The following SLC41A1 variants were observed in gnomAD, a reference collection of about 807,000 sequenced individuals.
SLC41A1 encodes the protein solute carrier family 41 member 1.
Under a neutral mutation model 47.3 loss-of-function variants are expected in SLC41A1, and 20 were observed. The observed-to-expected ratio is 0.42, with a 90% CI of 0.30 to 0.61. The LOEUF is 0.61. Among genes scored for constraint, SLC41A1 ranks in the 20% least tolerant of loss-of-function variants. SLC41A1 has a pLI of 0.17. For synonymous variants in SLC41A1, 282 were observed against 272.7 expected (o/e 1.03, Z -0.34); for missense variants, 504 against 674.1 (o/e 0.75, Z 2.79).
Position 205,795,343 on chromosome 1 carries a change from C to G in SLC41A1, c.1207+1G>C. 1 of 1,614,198 alleles carries G rather than the reference C, an allele frequency of 6.2e-7. No homozygotes were observed. Among genetic ancestry groups the G allele is most frequent in the Non-Finnish European group, 8.5e-7 (1 of 1,180,032 alleles). Reference sequence around the variant, plus strand: ...CTGGGAGGCTGGGAATCTGCCGTTACCAGGGCTGAAGAAGGTGGTACAAGG... The same window carrying G: ...CTGGGAGGCTGGGAATCTGCCGTTAGCAGGGCTGAAGAAGGTGGTACAAGG... On this transcript the variant is annotated splice_donor_variant, in intron 9 of 10. Coordinates refer to ENST00000367137, the MANE Select transcript of SLC41A1 (RefSeq NM_173854.6). LOFTEE classifies it high-confidence loss of function.
rs138614936 is a variant in SLC41A1 at position 205,809,488 on chromosome 1, A to G, written c.372+582T>C. ...TCTTGTTACACCAAATCTCCAAATC[A>G]TGCATCAGACAGCAAGTGCCCACCC... On this transcript the variant is annotated intron_variant, in intron 2 of 10. Transcript: ENST00000367137. 2.5e-3 allele frequency among the ~76,000 whole-genome samples: 387 copies of G among 152,354 alleles called. 2 individuals carry two copies. Among genetic ancestry groups the G allele is most frequent in the Middle Eastern group, 0.017 (5 of 294 alleles).
intron 2 of SLC41A1, among the ~76,000 whole-genome samples, chr1:205,808,162 G>A (rs377329628): frequency 4.4e-4 from 67 of 152,122 alleles, no homozygotes; most frequent in African/African-American, 1.6e-3. Context: ...CACTGTGTTG[G>A]CCAGACTGGT....
At position 205,800,028 on chromosome 1, in the gene SLC41A1, C is replaced by A. The variant is rs189624357; in HGVS notation, c.481-198G>T. The stretch of plus-strand genomic sequence containing the variant: ...AGGAGCTAAAGCTGGGCTCCTGCAG[C>A]TGGGTGGGGGGTTGGAAGGGGGTCC... On this transcript the variant is annotated intron_variant, in intron 3 of 10. Coordinates refer to ENST00000367137, the MANE Select transcript of SLC41A1 (RefSeq NM_173854.6). Among the ~76,000 whole-genome samples the A allele has an allele frequency of 1.6e-3, 246 of 152,294 alleles. 2 individuals carry two copies. The highest frequency in any genetic ancestry group is 5.7e-3 in the African/African-American group (236 of 41,564).
rs568605741 is a variant in SLC41A1, at chr1:205,802,252, A to G, written c.373-1192T>C. Among the ~76,000 whole-genome samples, 8 of 152,288 alleles carry G rather than the reference A, an allele frequency of 5.3e-5. No individual in the cohort carries two copies. In the East Asian group the frequency reaches 7.7e-4, roughly 15 times the overall value. ...GGACCAAGAGCCTTGGGTCTCCTACAGGAGACAGCAGGGATGGCCCCCTGC... is the reference window on the plus strand; with the variant it reads ...GGACCAAGAGCCTTGGGTCTCCTACGGGAGACAGCAGGGATGGCCCCCTGC... On this transcript the variant is annotated intron_variant, in intron 2 of 10. Transcript: ENST00000367137.
intron 2 of SLC41A1, among the ~76,000 whole-genome samples, chr1:205,802,541 A>G (rs552682818): frequency 5.9e-5 from 9 of 151,520 alleles, no homozygotes; most frequent in African/African-American, 2.2e-4. Context: ...ACATGGAGAA[A>G]CCCCGTCTCT....
intron 10 of SLC41A1, among the ~76,000 whole-genome samples, chr1:205,792,514 C>T (rs866807453): frequency 3.3e-5 from 5 of 152,308 alleles, no homozygotes; most frequent in South Asian, 2.1e-4. Context: ...ATCAGAATCT[C>T]GCTAGTGGGC....
intron 10 of SLC41A1, among the ~76,000 whole-genome samples, chr1:205,793,900 G>C (rs1446974903): frequency 6.6e-6 from 1 of 152,206 alleles, no homozygotes; most frequent in Non-Finnish European, 1.5e-5. Flanking sequence ...TGGCTGTGAA[G>C]AAGAGGACAG....
intron 2 of SLC41A1, among the ~76,000 whole-genome samples, chr1:205,803,632 C>CTTT (rs140199204): frequency 3.3e-5 from 4 of 121,026 alleles, no homozygotes; most frequent in Non-Finnish European, 3.7e-5. Flanking sequence ...TAGTCAAATT[C>CTTT]TTTTTTTTTT....
chr1:205,811,815 C>T (rs1656162984), intron 1 of SLC41A1, among the ~76,000 whole-genome samples: 1 of 152,194 alleles, frequency 6.6e-6, no homozygotes, highest in South Asian at 2.1e-4. Context: ...CCCCGTCTCC[C>T]CCTGCTCTTG....
chr1:205,812,426 C>T (rs935065341), intron 1 of SLC41A1, among the ~76,000 whole-genome samples: 1 of 152,182 alleles, frequency 6.6e-6, no homozygotes, highest in Non-Finnish European at 1.5e-5. Context: ...GAGTCCAGTG[C>T]CCCTATGCCA....
chr1:205,801,050 ACT>A lies in SLC41A1; in HGVS notation c.381_382del (p.Glu127AspfsTer79). 1 of 1,614,044 alleles carries A rather than the reference ACT, an allele frequency of 6.2e-7. No homozygotes were observed. Among genetic ancestry groups the A allele is most frequent in the Non-Finnish European group, 8.5e-7 (1 of 1,179,926 alleles). ...GAAGACCTCTGTCACCTTCTGGAAG[ACT>A]TCCCAGTGCTACGAGGTGAAAACAG... On this transcript the variant is annotated frameshift_variant, in exon 3 of 11. Transcript: ENST00000367137. LOFTEE classifies it high-confidence loss of function.
chr1:205,797,764 T>C, intron 7 of SLC41A1, 140 bp downstream of exon 7: 1 of 1,174,494 alleles, frequency 8.5e-7, no homozygotes, highest in East Asian at 2.4e-5. Context: ...TCTGTCATTT[T>C]CAACAGAAGG....
intron 2 of SLC41A1, among the ~76,000 whole-genome samples, chr1:205,806,018 A>T (rs1429507930): frequency 6.6e-6 from 1 of 152,222 alleles, no homozygotes; most frequent in African/African-American, 2.4e-5. Context: ...CTGTGGGAGA[A>T]GCTGGGCTGG....
At chr1:205,792,011 TC>T (rs1216628798) in intron 10 of SLC41A1, among the ~76,000 whole-genome samples, 2 of 152,202 alleles carry the variant, frequency 1.3e-5, no homozygotes, top group African/African-American at 4.8e-5. Context: ...ACAAGGAGCT[TC>T]CTGACCTAAA....
chr1:205,794,849 C>G, intron 10 of SLC41A1, 21 bp downstream of exon 10: 2 of 1,613,316 alleles, frequency 1.2e-6, no homozygotes, highest in Non-Finnish European at 1.7e-6. Context: ...TTCCCATGCC[C>G]CTGCTCCTGC....
At position 205,810,450 on chromosome 1, in the gene SLC41A1, C is replaced by A. The variant is rs986412923; in HGVS notation, c.-9G>T. The A allele has an allele frequency of 2.1e-5, 34 of 1,614,064 alleles. No homozygotes were observed. The highest frequency in any genetic ancestry group is 2.6e-5 in the Non-Finnish European group (31 of 1,180,034). Reference sequence around the variant, plus strand: ...TCTGGCTTAGAGGACATGACAGGCACGGAGGAGGGGAAGGGAGAACTTTCC... The same window carrying A: ...TCTGGCTTAGAGGACATGACAGGCAAGGAGGAGGGGAAGGGAGAACTTTCC... On this transcript the variant is annotated 5_prime_UTR_variant, in exon 2 of 11. Transcript: ENST00000367137. The surrounding 1 kb of genome is among the most constrained non-coding windows in gnomAD (Gnocchi z 5.5).
rs1214724258 is a variant in SLC41A1, at chr1:205,790,788, T to G, written c.*745A>C. 6.6e-6 allele frequency: 1 copy of G among 152,280 alleles called. No homozygotes were observed. Among genetic ancestry groups the G allele is most frequent in the African/African-American group, 2.4e-5 (1 of 41,428 alleles). The allele number at this position is 152,280 out of a possible 1,614,324, so 9.4% of individuals were successfully genotyped here. A position where few individuals can be genotyped will look rare whatever the true frequency, so the allele number is the denominator to read the frequency against. ...ATGTGGATTTTGGGGAACCAATAGG[T>G]GGACATGGGTCAACAGGGAGAAGAG... On this transcript the variant is annotated 3_prime_UTR_variant, in exon 11 of 11. Coordinates refer to ENST00000367137, the MANE Select transcript of SLC41A1 (RefSeq NM_173854.6).
chr1:205,795,264 C>G (rs1239784574), intron 9 of SLC41A1, 80 bp downstream of exon 9: 2 of 1,604,848 alleles, frequency 1.2e-6, no homozygotes, highest in Admixed American at 1.7e-5. Context: ...GGATCTGGGG[C>G]CCCAGCTGTC....
At chr1:205,792,587 T>C (rs1655648841) in intron 10 of SLC41A1, among the ~76,000 whole-genome samples, 1 of 152,194 alleles carries the variant, frequency 6.6e-6, no homozygotes, top group Admixed American at 6.5e-5. Flanking sequence ...TCTGGACCTC[T>C]TGAGTCAGAG....
Sources: gnomAD v4.1 joint callset for allele counts (sites outside exome capture counted in the v4.1 genomes callset) on GRCh38, gnomAD v4.1.1 for gene constraint, Gnocchi (gnomAD v3.1) non-coding constraint, MANE v1.5 for transcripts, NCBI Gene and HGNC (gene_info 2026-07-23, HGNC 2026-07-21) for gene names.